NMNAT2: variants seen among roughly 807,000 people sequenced by gnomAD.
NMNAT2 encodes nicotinamide nucleotide adenylyltransferase 2, also known as nicotinamide/nicotinic acid mononucleotide adenylyltransferase 2.
In NMNAT2, 11 loss-of-function variants were observed where a neutral mutation model predicts 41.6. The ratio of observed to expected loss-of-function variants is 0.26; its 90% CI spans 0.17 to 0.44. The LOEUF (loss-of-function observed/expected upper bound fraction) is 0.44, where lower values mean the gene tolerates loss of function less well. Among genes scored for constraint, NMNAT2 ranks in the 20% least tolerant of loss-of-function variants. The pLI, the probability that NMNAT2 is intolerant of heterozygous loss-of-function variation, is 1.00. For missense variants in NMNAT2, 288 were observed against 407.7 expected (o/e 0.71, Z 2.53); for synonymous variants, 148 against 151.2 (o/e 0.98, Z 0.16).
intron 1 of NMNAT2, among the ~76,000 whole-genome samples, chr1:183,414,561 A>G (rs1649205184): frequency 6.6e-6 from 1 of 152,228 alleles, no homozygotes; most frequent in Non-Finnish European, 1.5e-5. Flanking sequence ...GACCCATGAG[A>G]TATGACATCA....
intron 1 of NMNAT2, among the ~76,000 whole-genome samples, chr1:183,364,032 A>G (rs1663364306): frequency 6.6e-6 from 1 of 152,204 alleles, no homozygotes; most frequent in Non-Finnish European, 1.5e-5. Context: ...CTTTCTTTCC[A>G]TTAAAGCTCA....
At chr1:183,375,289 A>C (rs1010332359) in intron 1 of NMNAT2, among the ~76,000 whole-genome samples, 1 of 152,194 alleles carries the variant, frequency 6.6e-6, no homozygotes. Context: ...TCATTTGACA[A>C]ATATTTATGG....
intron 8 of NMNAT2, among the ~76,000 whole-genome samples, chr1:183,274,604 C>T (rs112172817): frequency 2.0e-5 from 3 of 151,820 alleles, no homozygotes; most frequent in Non-Finnish European, 2.9e-5. Context: ...TGAGTCACCA[C>T]GCCTGGCCTG....
intron 7 of NMNAT2, among the ~76,000 whole-genome samples, chr1:183,280,233 G>T (rs1351622718): frequency 6.6e-6 from 1 of 152,132 alleles, no homozygotes; most frequent in African/African-American, 2.4e-5. Context: ...AGCCACCCAG[G>T]GTTCTAGGTC....
chr1:183,396,618 A>G (rs192518397), intron 1 of NMNAT2, among the ~76,000 whole-genome samples: 1 of 152,200 alleles, frequency 6.6e-6, no homozygotes, highest in East Asian at 1.9e-4. Flanking sequence ...GCACATACGG[A>G]CAGCCTGCCC....
chr1:183,283,331 C>T (rs1661314923), intron 7 of NMNAT2: 1 of 153,634 alleles, frequency 6.5e-6, no homozygotes, highest in Non-Finnish European at 1.4e-5. Flanking sequence ...TGGTGTCTCC[C>T]TGCCCTTTCC....
intron 1 of NMNAT2, among the ~76,000 whole-genome samples, chr1:183,309,418 C>A (rs536586): frequency 0.43 from 64,666 of 151,950 alleles, 13,759 homozygotes; most frequent in Middle Eastern, 0.46. Flanking sequence ...GAGCCGATTC[C>A]AGGAGTCTGA....
Position 183,283,992 on chromosome 1 carries a change from C to T in NMNAT2, c.574+3G>A, listed in dbSNP as rs775265276. On this transcript the variant is annotated splice_donor_region_variant and intron_variant, in intron 7 of 10. Transcript: ENST00000287713. ...TTTTCCGCACTTTCGCAGTCCCACT[C>T]ACCAATCTCTTCATACCGCATCACC... The T allele has an allele frequency of 1.1e-5, 18 of 1,613,892 alleles. No individual in the cohort carries two copies. Among genetic ancestry groups the T allele is most frequent in the African/African-American group, 2.7e-5 (2 of 74,928 alleles).
intron 1 of NMNAT2, among the ~76,000 whole-genome samples, chr1:183,378,607 A>G (rs1663728561): frequency 6.6e-6 from 1 of 152,058 alleles, no homozygotes; most frequent in African/African-American, 2.4e-5. Flanking sequence ...GAAAAGTTTC[A>G]GTTAAACCTA....
At chr1:183,353,069 T>G (rs1214633131) in intron 1 of NMNAT2, among the ~76,000 whole-genome samples, 2 of 152,146 alleles carry the variant, frequency 1.3e-5, no homozygotes, top group Non-Finnish European at 2.9e-5. Context: ...TGCAGTGGCA[T>G]GATCTTGGCT....
chr1:183,258,375 C>A (rs559452497), intron 10 of NMNAT2, among the ~76,000 whole-genome samples: 1 of 152,344 alleles, frequency 6.6e-6, no homozygotes, highest in East Asian at 1.9e-4. Context: ...CTTGAAACCA[C>A]CTTTGCAAAA....
chr1:183,369,258 CT>C (rs1663478240), intron 1 of NMNAT2, among the ~76,000 whole-genome samples: 11 of 87,682 alleles, frequency 1.3e-4, no homozygotes, highest in African/African-American at 4.3e-4. Context: ...TTTTTCTTTT[CT>C]TTTCTTTTTT....
chr1:183,313,756 G>A (rs1662180749), intron 1 of NMNAT2, among the ~76,000 whole-genome samples: 1 of 152,232 alleles, frequency 6.6e-6, no homozygotes, highest in African/African-American at 2.4e-5. Context: ...AATGTGCAGG[G>A]ATTACAGGTG....
intron 1 of NMNAT2, among the ~76,000 whole-genome samples, chr1:183,327,339 A>G (rs909703259): frequency 2.0e-4 from 31 of 152,216 alleles, no homozygotes; most frequent in African/African-American, 7.5e-4. Flanking sequence ...TACAGGCATG[A>G]GCCACTGTGC....
At chr1:183,270,898 C>T (rs922098456) in intron 8 of NMNAT2, among the ~76,000 whole-genome samples, 1 of 152,122 alleles carries the variant, frequency 6.6e-6, no homozygotes, top group Admixed American at 6.5e-5. Context: ...TATCCTGGGG[C>T]CCTGGGATTT....
chr1:183,387,533 A>G (rs1248207987), intron 1 of NMNAT2, among the ~76,000 whole-genome samples: 1 of 152,202 alleles, frequency 6.6e-6, no homozygotes, highest in Non-Finnish European at 1.5e-5. Context: ...CTTAACATTC[A>G]CATGCCTCCA....
intron 1 of NMNAT2, among the ~76,000 whole-genome samples, chr1:183,337,113 T>C (rs1482120368): frequency 6.6e-6 from 1 of 152,134 alleles, no homozygotes; most frequent in Non-Finnish European, 1.5e-5. Context: ...GATTGGAGAG[T>C]TGGTTACACA....
At chr1:183,384,557 G>T (rs1008305764) in intron 1 of NMNAT2, among the ~76,000 whole-genome samples, 1 of 152,116 alleles carries the variant, frequency 6.6e-6, no homozygotes, top group African/African-American at 2.4e-5. Context: ...CACAAGAACG[G>T]CAAGGGGAGA....
chr1:183,327,990 A>G (rs1314020206), intron 1 of NMNAT2, among the ~76,000 whole-genome samples: 2 of 152,040 alleles, frequency 1.3e-5, no homozygotes, highest in East Asian at 3.9e-4. Context: ...CCAAATCTCC[A>G]GGTCGGTGGC....
Sources: gnomAD v4.1 joint callset for allele counts (sites outside exome capture counted in the v4.1 genomes callset) on GRCh38, gnomAD v4.1.1 for gene constraint, MANE v1.5 for transcripts, NCBI Gene and HGNC (gene_info 2026-07-23, HGNC 2026-07-21) for gene names.